The following WDR41 variants were observed in gnomAD, a reference collection of about 807,000 sequenced individuals.
WDR41 encodes WD repeat domain 41.
In WDR41, 63 loss-of-function variants were observed where a neutral mutation model predicts 69.3. That is an observed-to-expected ratio of 0.91 (90% CI 0.74 to 1.12). The LOEUF (loss-of-function observed/expected upper bound fraction) is 1.12. Among genes scored for constraint, WDR41 ranks in the 50% most tolerant of loss-of-function variants. The pLI, the probability that WDR41 is intolerant of heterozygous loss-of-function variation, is 0.00. For missense variants in WDR41, 543 were observed against 534.5 expected (o/e 1.02, Z -0.16); for synonymous variants, 185 against 192.1 (o/e 0.96, Z 0.31).
At chr5:77,617,905 G>A (rs1744706478) in intron 1 of WDR41, among the ~76,000 whole-genome samples, 1 of 152,196 alleles carries the variant, frequency 6.6e-6, no homozygotes, top group Non-Finnish European at 1.5e-5. Context: ...GCAACTTGAG[G>A]GCTGAGGATA....
chr5:77,570,757 A>T (rs2112272935), intron 1 of WDR41, among the ~76,000 whole-genome samples: 1 of 152,016 alleles, frequency 6.6e-6, no homozygotes, highest in South Asian at 2.1e-4. Flanking sequence ...AACATAGGCA[A>T]GCTCTAAAAA....
chr5:77,598,820 G>A (rs1019899480), intron 1 of WDR41, among the ~76,000 whole-genome samples: 3 of 152,024 alleles, frequency 2.0e-5, no homozygotes, highest in Non-Finnish European at 4.4e-5. Context: ...TAAAGCCAAA[G>A]TCTGTCCTGA....
At chr5:77,489,230 C>T (rs1561201384) in intron 2 of WDR41, among the ~76,000 whole-genome samples, 1 of 152,084 alleles carries the variant, frequency 6.6e-6, no homozygotes, top group Non-Finnish European at 1.5e-5. Context: ...AACAAACAAA[C>T]ATAACCCTCA....
intron 1 of WDR41, among the ~76,000 whole-genome samples, chr5:77,550,967 C>T (rs1463263072): frequency 6.6e-6 from 1 of 152,082 alleles, no homozygotes; most frequent in Non-Finnish European, 1.5e-5. Context: ...AACCAAATAC[C>T]ACAGGTTCTC....
intron 1 of WDR41, among the ~76,000 whole-genome samples, chr5:77,539,778 G>C (rs1217814946): frequency 6.6e-6 from 1 of 152,188 alleles, no homozygotes. Flanking sequence ...ATAGTGACAA[G>C]AATGGCAAGA....
At chr5:77,582,068 A>G (rs1743949385) in intron 1 of WDR41, among the ~76,000 whole-genome samples, 1 of 152,222 alleles carries the variant, frequency 6.6e-6, no homozygotes, top group African/African-American at 2.4e-5. Flanking sequence ...ATTTGATAAG[A>G]TCAACAAAAT....
intron 2 of WDR41, among the ~76,000 whole-genome samples, chr5:77,475,167 C>T (rs1038871919): frequency 5.3e-5 from 8 of 152,318 alleles, no homozygotes; most frequent in South Asian, 2.1e-4. Flanking sequence ...GAGGGTCCTA[C>T]GCCCACAGAG....
intron 2 of WDR41, among the ~76,000 whole-genome samples, chr5:77,471,499 G>T (rs1472463180): frequency 1.3e-5 from 2 of 152,012 alleles, no homozygotes; most frequent in African/African-American, 4.8e-5. Context: ...CCGGTTTTTT[G>T]AAAAGATCAA....
chr5:77,516,484 A>G (rs1329586162), intron 1 of WDR41, among the ~76,000 whole-genome samples: 1 of 152,228 alleles, frequency 6.6e-6, no homozygotes, highest in East Asian at 1.9e-4. Flanking sequence ...AAGTTGTAGA[A>G]AATCCAAAAT....
At chr5:77,475,811 G>C (rs1581744095) in intron 2 of WDR41, among the ~76,000 whole-genome samples, 1 of 152,212 alleles carries the variant, frequency 6.6e-6, no homozygotes, top group Non-Finnish European at 1.5e-5. Context: ...ACGGAACAAA[G>C]CTGGATGGAG....
At chr5:77,460,885 T>C (rs986195415) in intron 4 of WDR41, among the ~76,000 whole-genome samples, 9 of 152,168 alleles carry the variant, frequency 5.9e-5, no homozygotes, top group African/African-American at 1.4e-4. Flanking sequence ...AGATTAGGGA[T>C]GCTCAACCTG....
chr5:77,525,037 C>T (rs1291330294), intron 1 of WDR41, among the ~76,000 whole-genome samples: 1 of 152,192 alleles, frequency 6.6e-6, no homozygotes, highest in Non-Finnish European at 1.5e-5. Flanking sequence ...CTCCTGCACC[C>T]TCAGCCCTAG....
At chr5:77,552,757 G>C (rs1743321004) in intron 1 of WDR41, among the ~76,000 whole-genome samples, 1 of 152,152 alleles carries the variant, frequency 6.6e-6, no homozygotes, top group African/African-American at 2.4e-5. Flanking sequence ...CTGCCACACT[G>C]ACTTGACAAA....
chr5:77,493,513 A>G (rs1801888317), upstream of WDR41, among the ~76,000 whole-genome samples: 1 of 152,190 alleles, frequency 6.6e-6, no homozygotes, highest in Non-Finnish European at 1.5e-5. Context: ...CAGCTACACA[A>G]ACTTACAGTC....
In WDR41 at chr5:77,543,881, A is replaced by G. The variant is rs115587030; in HGVS notation, c.43-54309T>C. ...AGATTATCTAAAGTTAAGATGAAGA[A>G]AAAAATCTTAAGAGCTGTGAGACAA... On this transcript the variant is annotated intron_variant, in intron 1 of 5. Coordinates refer to the WDR41 transcript ENST00000509971. 2.0e-3 allele frequency among the ~76,000 whole-genome samples: 298 copies of G among 152,274 alleles called. 3 individuals are homozygous for G. The highest frequency in any genetic ancestry group is 6.9e-3 in the African/African-American group (286 of 41,526).
At chr5:77,436,440 A>T in intron 11 of WDR41, 46 bp from the exon 12 acceptor site, 1 of 1,596,126 alleles carries the variant, frequency 6.3e-7, no homozygotes, top group Non-Finnish European at 8.5e-7. Context: ...TGTACTTACA[A>T]TAACATGAGA....
At chr5:77,561,044 A>G (rs1743514176) in intron 1 of WDR41, among the ~76,000 whole-genome samples, 1 of 152,196 alleles carries the variant, frequency 6.6e-6, no homozygotes, top group Non-Finnish European at 1.5e-5. Flanking sequence ...AAACCTGATT[A>G]GATGTTGACA....
chr5:77,487,119 C>G (rs1176196049), intron 2 of WDR41, among the ~76,000 whole-genome samples: 1 of 152,194 alleles, frequency 6.6e-6, no homozygotes, highest in African/African-American at 2.4e-5. Flanking sequence ...AGAGGAAAGA[C>G]AGCAATGAAC....
At chr5:77,608,767 C>T (rs146132713) in intron 1 of WDR41, among the ~76,000 whole-genome samples, 1,837 of 152,270 alleles carry the variant, frequency 0.012, 30 homozygotes, top group African/African-American at 0.04. Flanking sequence ...TCTGAGGTAC[C>T]GGGTTCATCT....
Sources: allele counts gnomAD v4.1 joint callset (sites outside exome capture counted in the v4.1 genomes callset), GRCh38; gene constraint gnomAD v4.1.1; transcripts MANE v1.5; gene names NCBI Gene and HGNC (gene_info 2026-07-23, HGNC 2026-07-21).